Variants in SH3RF3 observed in about 807,000 individuals in gnomAD.
SH3RF3 encodes E3 ubiquitin-protein ligase SH3RF3.
Under a neutral mutation model 66.3 loss-of-function variants are expected in SH3RF3, and 29 were observed. The observed-to-expected ratio is 0.44, with a 90% CI of 0.33 to 0.60. The LOEUF is 0.60. Among genes scored for constraint, SH3RF3 ranks in the 20% least tolerant of loss-of-function variants. The pLI, the probability that SH3RF3 is intolerant of heterozygous loss-of-function variation, is 0.04. For missense variants in SH3RF3, 1,194 were observed against 1,190.9 expected (o/e 1.00, Z -0.04); for synonymous variants, 583 against 532.0 (o/e 1.10, Z -1.32).
intron 1 of SH3RF3, among the ~76,000 whole-genome samples, chr2:109,329,569 A>G (rs900366622): frequency 5.9e-5 from 9 of 152,206 alleles, no homozygotes; most frequent in African/African-American, 1.9e-4. Context: ...TCCTGCAGCA[A>G]GTTTCAGAGG....
chr2:109,347,808 G>A lies in SH3RF3; in HGVS notation c.708G>A (p.Leu236=), dbSNP rs780530699. ...KVDEQWYHGE[L]HGTQGFLPAS... ...ATGAACAGTGGTACCACGGCGAGCT[G>A]CACGGCACACAGGGCTTCCTCCCAG... The change falls in exon 2 of 10, where the codon CTG becomes CTA. Residue 236 remains leucine (L), a synonymous_variant. Transcript: ENST00000309415. 50 of 1,613,874 alleles carry A rather than the reference G, an allele frequency of 3.1e-5. No individual in the cohort carries two copies. The Admixed American group carries it at 6.7e-4, about 22-fold the overall frequency.
At chr2:109,196,729 G>A (rs531200053) in intron 1 of SH3RF3, among the ~76,000 whole-genome samples, 7 of 152,292 alleles carry the variant, frequency 4.6e-5, no homozygotes, top group Admixed American at 3.3e-4. Context: ...CCGGAGGAGG[G>A]AGCTGCACCA....
At chr2:109,286,085 A>T (rs377056963) in intron 1 of SH3RF3, among the ~76,000 whole-genome samples, 1 of 152,188 alleles carries the variant, frequency 6.6e-6, no homozygotes. Flanking sequence ...TCAGGTGCCT[A>T]TCATTACATG....
Position 109,398,857 on chromosome 2 carries a change from G to C in SH3RF3, c.1213G>C (p.Ala405Pro). 1 of 1,613,926 alleles carries C rather than the reference G, an allele frequency of 6.2e-7. No individual in the cohort carries two copies. Reference protein sequence around the residue: ...ASHRHSMEISAPVLISSSDPR... With the variant: ...ASHRHSMEISPPVLISSSDPR... ...CCACAGGCATTCCATGGAAATTAGT[G>C]CTCCAGTGTTGATCAGCTCCAGCGA... Residue 405 changes from alanine to proline, a missense_variant, in exon 4 of 10, where the codon GCT (alanine) becomes CCT (proline). Coordinates refer to ENST00000309415, the MANE Select transcript of SH3RF3 (RefSeq NM_001099289.3).
intron 1 of SH3RF3, among the ~76,000 whole-genome samples, chr2:109,272,502 G>A (rs1314228785): frequency 6.6e-6 from 1 of 152,218 alleles, no homozygotes; most frequent in African/African-American, 2.4e-5. Context: ...GCCTCTAACT[G>A]TGTGCTGCAC....
At chr2:109,214,231 G>T (rs1033905898) in intron 1 of SH3RF3, among the ~76,000 whole-genome samples, 3 of 152,280 alleles carry the variant, frequency 2.0e-5, no homozygotes, top group South Asian at 2.1e-4. Flanking sequence ...TGTGGTTTAT[G>T]GGTAAAACCA....
At chr2:109,349,138 C>G (rs761876354) in intron 2 of SH3RF3, among the ~76,000 whole-genome samples, 3 of 145,220 alleles carry the variant, frequency 2.1e-5, no homozygotes, top group East Asian at 2.1e-4. Context: ...GGCCATTGCT[C>G]TCTCCCCCAT....
intron 1 of SH3RF3, among the ~76,000 whole-genome samples, chr2:109,156,312 C>G (rs370000371): frequency 2.0e-5 from 3 of 152,198 alleles, no homozygotes; most frequent in East Asian, 1.9e-4. Context: ...CTCCGCCCCT[C>G]GCATCTTCCC....
intron 1 of SH3RF3, among the ~76,000 whole-genome samples, chr2:109,271,906 AC>A (rs1259840293): frequency 6.6e-6 from 1 of 152,252 alleles, no homozygotes; most frequent in African/African-American, 2.4e-5. Flanking sequence ...TCTAACCGCT[AC>A]GCACACACAC....
At chr2:109,160,773 T>C (rs556265395) in intron 1 of SH3RF3, among the ~76,000 whole-genome samples, 17 of 152,254 alleles carry the variant, frequency 1.1e-4, no homozygotes, top group African/African-American at 4.1e-4. Flanking sequence ...CTGAGAAATG[T>C]GAACATCCCC....
intron 1 of SH3RF3, among the ~76,000 whole-genome samples, chr2:109,314,207 C>T (rs555766581): frequency 1.3e-5 from 2 of 152,170 alleles, no homozygotes; most frequent in South Asian, 2.1e-4. Context: ...GATGGGGGCA[C>T]CAGAACCATG....
intron 1 of SH3RF3, among the ~76,000 whole-genome samples, chr2:109,327,439 T>C (rs927637329): frequency 6.6e-6 from 1 of 152,242 alleles, no homozygotes; most frequent in Non-Finnish European, 1.5e-5. Context: ...AGCTTTGATA[T>C]TTTAGCAGGG....
At chr2:109,251,722 G>A in intron 1 of SH3RF3, 3 of 739,894 alleles carry the variant, frequency 4.1e-6, no homozygotes, top group South Asian at 3.4e-5. Flanking sequence ...TAAAAATTAG[G>A]TCGTGTACAT....
intron 5 of SH3RF3, among the ~76,000 whole-genome samples, chr2:109,425,698 GA>G (rs35729518): frequency 1.3e-5 from 2 of 151,472 alleles, no homozygotes; most frequent in African/African-American, 4.9e-5. Flanking sequence ...CTACTGCTCA[GA>G]AAAAAAAGAT....
chr2:109,211,992 A>C (rs1348456026), intron 1 of SH3RF3, among the ~76,000 whole-genome samples: 1 of 152,226 alleles, frequency 6.6e-6, no homozygotes, highest in Non-Finnish European at 1.5e-5. Flanking sequence ...TGTGAATGCC[A>C]CTGAATTCAA....
At chr2:109,287,473 A>AT (rs1681054311) in intron 1 of SH3RF3, among the ~76,000 whole-genome samples, 1 of 152,160 alleles carries the variant, frequency 6.6e-6, no homozygotes, top group African/African-American at 2.4e-5. Flanking sequence ...TACCTAAGAG[A>AT]GATACCTCCC....
Position 109,398,654 on chromosome 2 carries a change from G to A in SH3RF3, c.1010G>A (p.Cys337Tyr), listed in dbSNP as rs769161547. The A allele has an allele frequency of 1.9e-6, 3 of 1,604,940 alleles. No individual in the cohort carries two copies. Among genetic ancestry groups the A allele is most frequent in the East Asian group, 4.5e-5 (2 of 44,406 alleles). Residue 337 changes from cysteine to tyrosine, a missense_variant, in exon 4 of 10, where the codon TGC becomes TAC. Coordinates refer to ENST00000309415, the MANE Select transcript of SH3RF3 (RefSeq NM_001099289.3). ...CCATGCCCAGCCGCTGCATCCAGCT[G>A]CAATGCCTCCCTGCCCTCTGACTCC... Reference protein sequence around the residue: ...DKPCPAAASSCNASLPSDSGA... With the variant: ...DKPCPAAASSYNASLPSDSGA...
At chr2:109,493,527 T>C (rs1377623312) in intron 9 of SH3RF3, among the ~76,000 whole-genome samples, 4 of 148,176 alleles carry the variant, frequency 2.7e-5, no homozygotes, top group African/African-American at 1.0e-4. Flanking sequence ...CACCATTGCA[T>C]ACCCACACCC....
At chr2:109,164,086 G>A (rs1677558636) in intron 1 of SH3RF3, among the ~76,000 whole-genome samples, 1 of 152,146 alleles carries the variant, frequency 6.6e-6, no homozygotes, top group South Asian at 2.1e-4. Context: ...GGCTGTGGGG[G>A]ATGGAGGAGG....
Sources: allele counts gnomAD v4.1 joint callset (sites outside exome capture counted in the v4.1 genomes callset), GRCh38; gene constraint gnomAD v4.1.1; transcripts MANE v1.5; gene names NCBI Gene and HGNC (gene_info 2026-07-23, HGNC 2026-07-21).